The following RABGAP1L variants were observed in gnomAD, a reference collection of about 807,000 sequenced individuals.
The protein encoded by RABGAP1L is rab GTPase-activating protein 1-like.
RABGAP1L carries 63 observed loss-of-function variants against 137.7 expected under a neutral mutation model. The observed-to-expected ratio is 0.46, with a 90% CI of 0.37 to 0.56. The LOEUF (loss-of-function observed/expected upper bound fraction) is 0.56, where lower values mean the gene tolerates loss of function less well. Among genes scored for constraint, RABGAP1L ranks in the 20% least tolerant of loss-of-function variants. RABGAP1L has a pLI of 0.00. For synonymous variants in RABGAP1L, 431 were observed against 433.7 expected (o/e 0.99, Z 0.08); for missense variants, 1,095 against 1,244.0 (o/e 0.88, Z 1.80).
At chr1:174,367,662 G>C (rs1294273090) in intron 11 of RABGAP1L, 2 of 250,566 alleles carry the variant, frequency 8.0e-6, no homozygotes, top group African/African-American at 4.7e-5. Flanking sequence ...GGAAAATAGT[G>C]TTCTGTATTC....
At chr1:174,474,748 G>A (rs1420840387) in intron 13 of RABGAP1L, among the ~76,000 whole-genome samples, 4 of 151,992 alleles carry the variant, frequency 2.6e-5, no homozygotes, top group East Asian at 1.9e-4. Flanking sequence ...GACTACAGGC[G>A]TGCGTCACCA....
At chr1:174,744,523 A>T (rs1385322210) in intron 17 of RABGAP1L, among the ~76,000 whole-genome samples, 1 of 152,222 alleles carries the variant, frequency 6.6e-6, no homozygotes, top group African/African-American at 2.4e-5. Flanking sequence ...AAGGACAATG[A>T]TTTTTATAGT....
chr1:174,590,345 T>A (rs978357482), intron 13 of RABGAP1L, among the ~76,000 whole-genome samples: 6 of 134,396 alleles, frequency 4.5e-5, no homozygotes, highest in South Asian at 2.3e-4. Context: ...TCTTTTTTTT[T>A]TTATTTATTT....
intron 13 of RABGAP1L, among the ~76,000 whole-genome samples, chr1:174,504,971 G>A (rs1009270448): frequency 3.9e-5 from 6 of 152,126 alleles, no homozygotes; most frequent in Non-Finnish European, 5.9e-5. Flanking sequence ...CCATACATCT[G>A]ATAAGGGGTT....
intron 13 of RABGAP1L, among the ~76,000 whole-genome samples, chr1:174,627,725 G>C (rs1378007713): frequency 6.6e-6 from 1 of 152,196 alleles, no homozygotes; most frequent in Non-Finnish European, 1.5e-5. Context: ...TAGTTTCTCT[G>C]TGATGATAAT....
chr1:174,478,785 T>C (rs1651592198), intron 13 of RABGAP1L, among the ~76,000 whole-genome samples: 1 of 152,208 alleles, frequency 6.6e-6, no homozygotes, highest in African/African-American at 2.4e-5. Context: ...ATGAAACCTT[T>C]TTCAACTTTT....
chr1:174,871,180 T>C (rs1652130907), intron 19 of RABGAP1L, among the ~76,000 whole-genome samples: 1 of 152,058 alleles, frequency 6.6e-6, no homozygotes, highest in African/African-American at 2.4e-5. Flanking sequence ...GTTTTTTGTT[T>C]TGAAACAGAG....
chr1:174,275,728 G>A, intron 8 of RABGAP1L, 105 bp from the exon 9 acceptor site: 1 of 755,804 alleles, frequency 1.3e-6, no homozygotes, highest in South Asian at 2.3e-5. Context: ...CTGCTTGACT[G>A]TTAATCTAAA....
intron 19 of RABGAP1L, among the ~76,000 whole-genome samples, chr1:174,841,860 C>CTTTTTTTT (rs757469241): frequency 6.9e-6 from 1 of 144,664 alleles, no homozygotes. Context: ...GAATAACTTT[C>CTTTTTTTT]TTTTTTTTTT....
In RABGAP1L at chr1:174,448,071, T is replaced by G; in HGVS notation, c.1710+53926T>G. 1 of 1,564,234 alleles carries G rather than the reference T, an allele frequency of 6.4e-7. No individual in the cohort carries two copies. Among genetic ancestry groups the G allele is most frequent in the Non-Finnish European group, 8.7e-7 (1 of 1,150,864 alleles). On this transcript the variant is annotated intron_variant, in intron 13 of 25. Transcript: ENST00000681986. This position sits in a 1 kb window ranked among gnomAD's most constrained non-coding sequence, Gnocchi z 4.2. ...ACAGATGCTGGGCAGGGCATCTGCT[T>G]GCTGTAGCCAAGTCTGCAGGTGTCT...
At chr1:174,461,759 A>G (rs954654781) in intron 13 of RABGAP1L, among the ~76,000 whole-genome samples, 1 of 152,170 alleles carries the variant, frequency 6.6e-6, no homozygotes, top group Non-Finnish European at 1.5e-5. Context: ...AGAATATTTT[A>G]GGAGAGTTGA....
rs182928952 is a variant in RABGAP1L at position 174,311,117 on chromosome 1, C to T, written c.1465+5990C>T. Among the ~76,000 whole-genome samples the T allele has an allele frequency of 1.6e-3, 247 of 152,164 alleles. 1 individual carries two copies. The highest frequency in any genetic ancestry group is 2.6e-3 in the Non-Finnish European group (178 of 68,018). ...CTGTTCTCACACTGCTGTAAGGGTA[C>T]TACCCAAGATTGGGTAATTTATAAA... On this transcript the variant is annotated intron_variant, in intron 11 of 25. Transcript: ENST00000681986.
chr1:174,796,078 A>G (rs959912196), intron 18 of RABGAP1L, among the ~76,000 whole-genome samples: 7 of 152,372 alleles, frequency 4.6e-5, no homozygotes, highest in South Asian at 2.1e-4. Context: ...GATTCATCCA[A>G]AAGAAATGTG....
At chr1:174,272,317 T>C in intron 7 of RABGAP1L, 97 bp from the exon 8 acceptor site, 2 of 1,276,082 alleles carry the variant, frequency 1.6e-6, no homozygotes, top group Non-Finnish European at 2.1e-6. Flanking sequence ...AATACAGAGC[T>C]CAGATTGTAT....
intron 19 of RABGAP1L, among the ~76,000 whole-genome samples, chr1:174,899,298 A>C (rs1008660560): frequency 2.0e-5 from 3 of 152,206 alleles, no homozygotes; most frequent in Non-Finnish European, 4.4e-5. Context: ...GGAGCTCAGG[A>C]GGGGCTTAAA....
intron 13 of RABGAP1L, among the ~76,000 whole-genome samples, chr1:174,428,609 G>T (rs936718499): frequency 6.6e-6 from 1 of 151,858 alleles, no homozygotes; most frequent in Non-Finnish European, 1.5e-5. Context: ...GTACTTAATC[G>T]TTATTAAGAG....
intron 17 of RABGAP1L, among the ~76,000 whole-genome samples, chr1:174,735,883 G>A (rs1490947303): frequency 6.6e-6 from 1 of 152,078 alleles, no homozygotes; most frequent in Non-Finnish European, 1.5e-5. Flanking sequence ...ATCACCAAGG[G>A]GATGGAGCTA....
chr1:174,295,072 C>G lies in RABGAP1L; in HGVS notation c.1324-9914C>G, dbSNP rs190161567. ...TAGCTGGGACTACAGGTGCGTGCCA[C>G]CATGCCCGGCTAATTTTTGTATTTT... is the stretch of plus-strand genomic sequence containing the variant. On this transcript the variant is annotated intron_variant, in intron 10 of 25. Transcript: ENST00000681986. 3.5e-3 allele frequency among the ~76,000 whole-genome samples: 531 copies of G among 152,178 alleles called. 2 individuals carry two copies. Among genetic ancestry groups the G allele is most frequent in the Non-Finnish European group, 6.2e-3 (424 of 67,998 alleles).
chr1:174,503,227 C>T (rs1661489334), intron 13 of RABGAP1L, among the ~76,000 whole-genome samples: 1 of 152,228 alleles, frequency 6.6e-6, no homozygotes, highest in South Asian at 2.1e-4. Flanking sequence ...TTGTCTACAG[C>T]TGCTCTGGTG....
Sources: gnomAD v4.1 joint callset for allele counts (sites outside exome capture counted in the v4.1 genomes callset) on GRCh38, gnomAD v4.1.1 for gene constraint, Gnocchi (gnomAD v3.1) non-coding constraint, MANE v1.5 for transcripts, NCBI Gene and HGNC (gene_info 2026-07-23, HGNC 2026-07-21) for gene names.